STT3B: variants seen among roughly 807,000 people sequenced by gnomAD.
STT3B encodes the protein STT3 oligosaccharyltransferase complex catalytic subunit B.
STT3B carries 29 observed loss-of-function variants against 96.8 expected under a neutral mutation model. The observed-to-expected ratio is 0.30, with a 90% confidence interval of 0.22 to 0.41. The LOEUF (loss-of-function observed/expected upper bound fraction) is 0.41, where lower values mean the gene tolerates loss of function less well. Among genes scored for constraint, STT3B ranks in the 10% least tolerant of loss-of-function variants. The pLI is 1.00. For synonymous variants in STT3B, 367 were observed against 360.0 expected (o/e 1.02, Z -0.22); for missense variants, 640 against 1,022.3 (o/e 0.63, Z 5.10).
At chr3:31,625,679 G>A (rs1699520939) in intron 12 of STT3B, among the ~76,000 whole-genome samples, 1 of 152,136 alleles carries the variant, frequency 6.6e-6, no homozygotes, top group Admixed American at 6.6e-5. Context: ...TTCTAAGCTT[G>A]CCTGCTTTCA....
chr3:31,542,155 G>A (rs1018046348), intron 1 of STT3B, among the ~76,000 whole-genome samples: 2 of 152,156 alleles, frequency 1.3e-5, no homozygotes, highest in African/African-American at 2.4e-5. Flanking sequence ...GAGAGACATC[G>A]TCTTTAAGGA....
chr3:31,536,141 A>G (rs185908046), intron 1 of STT3B, among the ~76,000 whole-genome samples: 1 of 152,232 alleles, frequency 6.6e-6, no homozygotes, highest in Non-Finnish European at 1.5e-5. Flanking sequence ...TGATTCTTAC[A>G]GTCATTCTTT....
intron 5 of STT3B, among the ~76,000 whole-genome samples, chr3:31,607,978 T>C (rs1353433182): frequency 6.6e-6 from 1 of 152,196 alleles, no homozygotes; most frequent in African/African-American, 2.4e-5. Context: ...TGGTATTCAG[T>C]ATGTAATTAA....
intron 1 of STT3B, among the ~76,000 whole-genome samples, chr3:31,554,200 G>A (rs967402573): frequency 1.3e-5 from 2 of 152,042 alleles, no homozygotes; most frequent in African/African-American, 4.8e-5. Flanking sequence ...ACAAATTGTG[G>A]TTTATTTTAT....
intron 14 of STT3B, among the ~76,000 whole-genome samples, chr3:31,631,860 T>C (rs1423359542): frequency 1.3e-5 from 2 of 149,316 alleles, no homozygotes; most frequent in Admixed American, 1.3e-4. Context: ...AGTCTGAGCA[T>C]TTTTTTTTTC....
In STT3B at chr3:31,596,727, A is replaced by T. The variant is rs1698800677; in HGVS notation, c.712-71A>T. 3.2e-6 allele frequency: 4 copies of T among 1,243,740 alleles called. No homozygotes were observed. In the South Asian group the frequency reaches 3.7e-5, roughly 12 times the overall value. The allele number at this position is 1,243,740 out of a possible 1,614,324, so 77.0% of individuals were successfully genotyped here. ...TTTTTGTAGCCTGTGGTTACCAAAC[A>T]TTTAACTTTTAAAAATTCCGCAAGA... On this transcript the variant is annotated intron_variant, in intron 3 of 15. Transcript: ENST00000295770.
At chr3:31,589,366 G>T (rs926056680) in intron 3 of STT3B, among the ~76,000 whole-genome samples, 2 of 151,764 alleles carry the variant, frequency 1.3e-5, no homozygotes, top group African/African-American at 4.8e-5. Context: ...GGTCTTTTAC[G>T]TAGACAATCA....
At chr3:31,538,066 T>A (rs978201911) in intron 1 of STT3B, among the ~76,000 whole-genome samples, 1 of 152,176 alleles carries the variant, frequency 6.6e-6, no homozygotes. Context: ...ATTGCTAAAC[T>A]ATTATAAAAA....
At chr3:31,542,170 A>G (rs963825703) in intron 1 of STT3B, among the ~76,000 whole-genome samples, 5 of 152,192 alleles carry the variant, frequency 3.3e-5, no homozygotes, top group African/African-American at 9.7e-5. Context: ...TAAGGAGACA[A>G]ATGATAATCA....
chr3:31,559,364 T>C (rs1697807437), intron 1 of STT3B, among the ~76,000 whole-genome samples: 1 of 151,774 alleles, frequency 6.6e-6, no homozygotes, highest in African/African-American at 2.4e-5. Flanking sequence ...GCATGGTTTT[T>C]GCTGTTTCTT....
At chr3:31,620,164 A>G in intron 9 of STT3B, 1 of 275,782 alleles carries the variant, frequency 3.6e-6, no homozygotes, top group South Asian at 3.9e-5. Flanking sequence ...AATCCCAGCT[A>G]CTCAGGAGGC....
Position 31,579,947 on chromosome 3 carries a change from C to T in STT3B, c.562C>T (p.Leu188Phe). 1 of 1,613,856 alleles carries T rather than the reference C, an allele frequency of 6.2e-7. No individual in the cohort carries two copies. The highest frequency in any genetic ancestry group is 8.5e-7 in the Non-Finnish European group (1 of 1,179,842). ...SGLTSISTFL[L>F]TRELWNQGAG... The stretch of plus-strand genomic sequence containing the variant: ...CCTTACATCTATATCTACTTTCCTG[C>T]TTACAAGAGAACTTTGGAACCAAGG... The change falls in exon 3 of 16, where the codon CTT becomes TTT. Residue 188 changes from leucine (L) to phenylalanine (F), a missense_variant. This residue lies in a region of STT3B where 267 missense variants were observed against 388.3 expected (regional missense o/e 0.69). Transcript: ENST00000295770.
intron 3 of STT3B, among the ~76,000 whole-genome samples, chr3:31,580,698 ATTATT>A (rs889015773): frequency 6.6e-6 from 1 of 152,090 alleles, no homozygotes; most frequent in African/African-American, 2.4e-5. Context: ...CTCTTTAATA[ATTATT>A]TTATATTGTT....
At chr3:31,573,034 A>G (rs1307870730) in intron 1 of STT3B, among the ~76,000 whole-genome samples, 1 of 152,172 alleles carries the variant, frequency 6.6e-6, no homozygotes. Context: ...AGTTTGCAGG[A>G]TGAGTTAACT....
intron 5 of STT3B, among the ~76,000 whole-genome samples, chr3:31,602,255 A>C (rs1031957580): frequency 2.0e-5 from 3 of 152,126 alleles, no homozygotes; most frequent in Non-Finnish European, 4.4e-5. Context: ...AAAACACTAT[A>C]AACAGTAGTT....
At chr3:31,535,254 A>G (rs1310471555) in intron 1 of STT3B, among the ~76,000 whole-genome samples, 2 of 152,024 alleles carry the variant, frequency 1.3e-5, no homozygotes, top group African/African-American at 2.4e-5. Context: ...AAAGATCCCC[A>G]CTAAAATTGA....
At chr3:31,569,801 T>G (rs1304958187) in intron 1 of STT3B, among the ~76,000 whole-genome samples, 4 of 152,106 alleles carry the variant, frequency 2.6e-5, no homozygotes, top group Non-Finnish European at 5.9e-5. Flanking sequence ...AAACTATAAT[T>G]GTGTGTGAGA....
At chr3:31,614,973 A>G (rs1699274039) in intron 5 of STT3B, 132 bp from the exon 6 acceptor site, 1 of 518,092 alleles carries the variant, frequency 1.9e-6, no homozygotes, top group African/African-American at 2.0e-5. Context: ...GACATCTAAT[A>G]AAAGTCATTT....
At chr3:31,564,718 A>G (rs1269399267) in intron 1 of STT3B, among the ~76,000 whole-genome samples, 2 of 152,226 alleles carry the variant, frequency 1.3e-5, no homozygotes, top group Admixed American at 6.5e-5. Flanking sequence ...TAGATTGGAA[A>G]AGGTAGAATG....
Sources: allele counts gnomAD v4.1 joint callset (sites outside exome capture counted in the v4.1 genomes callset), GRCh38; gene constraint gnomAD v4.1.1; regional missense constraint gnomAD v4.1.1; transcripts MANE v1.5; gene names NCBI Gene and HGNC (gene_info 2026-07-23, HGNC 2026-07-21).